KIAA1549: variants seen among roughly 807,000 people sequenced by gnomAD.
KIAA1549 encodes the protein UPF0606 protein KIAA1549.
In KIAA1549, 70 loss-of-function variants were observed where a neutral mutation model predicts 156.4. The ratio of observed to expected loss-of-function variants is 0.45; its 90% CI spans 0.37 to 0.55. The LOEUF (loss-of-function observed/expected upper bound fraction) is 0.55. Among genes scored for constraint, KIAA1549 ranks in the 20% least tolerant of loss-of-function variants. The pLI is 0.00. For synonymous variants in KIAA1549, 1,103 were observed against 1,066.4 expected (o/e 1.03, Z -0.67); for missense variants, 2,428 against 2,540.9 (o/e 0.96, Z 0.96).
chr7:138,957,090 A>G (rs1225274042), intron 1 of KIAA1549, among the ~76,000 whole-genome samples: 8 of 152,366 alleles, frequency 5.3e-5, no homozygotes, highest in Admixed American at 6.5e-5. Flanking sequence ...AGAGAAGTGC[A>G]TTCCACGCAG....
At chr7:138,877,779 C>A (rs902577410) in intron 12 of KIAA1549, among the ~76,000 whole-genome samples, 1 of 152,186 alleles carries the variant, frequency 6.6e-6, no homozygotes, top group East Asian at 1.9e-4. Context: ...TCATCTAATT[C>A]GCTTCTTTCC....
At position 138,889,838 on chromosome 7, in the gene KIAA1549, A is replaced by G. The variant is rs569431027; in HGVS notation, c.4032+4504T>C. Among the ~76,000 whole-genome samples, 31 of 152,354 alleles carry G rather than the reference A, an allele frequency of 2.0e-4. No homozygotes were observed. The South Asian group carries it at 6.4e-3, about 32-fold the overall frequency. On this transcript the variant is annotated intron_variant, in intron 10 of 19. Coordinates refer to ENST00000422774, the MANE Select transcript of KIAA1549 (RefSeq NM_001164665.2). ...CACAGAAGGAAAACCTAGAGGGAACACTGCCCCTCCTCCCTTAGATAATTA... is the reference window on the plus strand; with the variant it reads ...CACAGAAGGAAAACCTAGAGGGAACGCTGCCCCTCCTCCCTTAGATAATTA...
chr7:138,963,152 A>G (rs1446723759), intron 1 of KIAA1549, among the ~76,000 whole-genome samples: 3 of 152,260 alleles, frequency 2.0e-5, no homozygotes, highest in Non-Finnish European at 4.4e-5. Flanking sequence ...TGGGCATGGA[A>G]CTACCACACA....
intron 9 of KIAA1549, among the ~76,000 whole-genome samples, chr7:138,895,930 C>G (rs1420890084): frequency 2.6e-5 from 4 of 152,102 alleles, no homozygotes; most frequent in African/African-American, 4.8e-5. Context: ...GCATATCTTA[C>G]TCATTTTGGA....
chr7:138,856,255 G>A (rs1810389602), intron 16 of KIAA1549, among the ~76,000 whole-genome samples: 1 of 151,280 alleles, frequency 6.6e-6, no homozygotes, highest in African/African-American at 2.4e-5. Context: ...AGCCAGGATG[G>A]TCTCGATCTC....
chr7:138,950,256 G>T (rs544552091), intron 1 of KIAA1549, among the ~76,000 whole-genome samples: 1 of 151,968 alleles, frequency 6.6e-6, no homozygotes, highest in Non-Finnish European at 1.5e-5. Context: ...TATTATAATC[G>T]TAAAAAATTT....
intron 14 of KIAA1549, 107 bp downstream of exon 14, chr7:138,869,431 T>C: frequency 1.2e-6 from 1 of 852,808 alleles, no homozygotes; most frequent in Non-Finnish European, 1.8e-6. Flanking sequence ...GATGGGGTCC[T>C]TCTGTCACAG....
rs1022895542 is a variant in KIAA1549, at chr7:138,964,130, C to G, written c.187+16953G>C. Among the ~76,000 whole-genome samples the G allele has an allele frequency of 3.3e-5, 5 of 152,208 alleles. 1 individual carries two copies. The highest frequency in any genetic ancestry group is 1.2e-4 in the African/African-American group (5 of 41,446). ...CTCTTAACCTACGTTTGGTGAGCAT[C>G]TTCTATGGGCTAGGCCAGGCTGTGA... On this transcript the variant is annotated intron_variant, in intron 1 of 19. Coordinates refer to ENST00000422774, the MANE Select transcript of KIAA1549 (RefSeq NM_001164665.2).
intron 1 of KIAA1549, among the ~76,000 whole-genome samples, chr7:138,933,277 G>A (rs1296303998): frequency 6.6e-6 from 1 of 152,208 alleles, no homozygotes; most frequent in Admixed American, 6.5e-5. Context: ...GGTTAAAGAC[G>A]CAAGTTTCTA....
chr7:138,856,195 CG>C (rs1172759764), intron 16 of KIAA1549, among the ~76,000 whole-genome samples: 48 of 150,776 alleles, frequency 3.2e-4, no homozygotes, highest in East Asian at 1.6e-3. Flanking sequence ...CCACGCCCAG[CG>C]AATTTTTTTT....
At chr7:138,923,427 C>T (rs903796478) in intron 1 of KIAA1549, among the ~76,000 whole-genome samples, 1 of 152,024 alleles carries the variant, frequency 6.6e-6, no homozygotes, top group Non-Finnish European at 1.5e-5. Context: ...ACGGTGAAAC[C>T]CTGTCTCTAC....
Position 138,912,388 on chromosome 7 carries a change from C to T in KIAA1549, c.2951G>A (p.Arg984His), listed in dbSNP as rs778279675. 4.0e-5 allele frequency: 64 copies of T among 1,613,244 alleles called. No homozygotes were observed. Among genetic ancestry groups the T allele is most frequent in the Middle Eastern group, 1.6e-4 (1 of 6,082 alleles). Residue 984 changes from arginine (R) to histidine (H), a missense_variant, in exon 3 of 20, where the codon CGT becomes CAT. Physicochemically the swap from Arg to His is conservative, Grantham distance 29. This residue lies in a region of KIAA1549 where 762 missense variants were observed against 901.6 expected (regional missense o/e 0.85). Coordinates refer to ENST00000422774, the MANE Select transcript of KIAA1549 (RefSeq NM_001164665.2). ...IKEVLRIHFN[R>H]AVELKVYELF... ...AGGACTCACCTTCAGTTCCACTGCA[C>T]GGTTGAAGTGAATCCTCAGTACTTC...
At chr7:138,910,355 T>C (rs1048179860) in intron 4 of KIAA1549, among the ~76,000 whole-genome samples, 4 of 151,762 alleles carry the variant, frequency 2.6e-5, no homozygotes, top group African/African-American at 4.8e-5. Context: ...CTGGGCAACT[T>C]AGGAAGACCC....
chr7:138,975,723 A>AGGTG (rs559956545), intron 1 of KIAA1549, among the ~76,000 whole-genome samples: 320 of 152,356 alleles, frequency 2.1e-3, no homozygotes, highest in African/African-American at 7.3e-3. Flanking sequence ...TCCAGATGAA[A>AGGTG]GGTGGGTGGT....
At chr7:138,902,387 C>T (rs573407073) in intron 8 of KIAA1549, among the ~76,000 whole-genome samples, 103 of 152,306 alleles carry the variant, frequency 6.8e-4, no homozygotes, top group African/African-American at 1.9e-3. Flanking sequence ...TGCCAGCCAA[C>T]ACCCCCTGCT....
In KIAA1549 at chr7:138,833,962, G is replaced by A. The variant is rs1809625356; in HGVS notation, c.*3944C>T. The A allele has an allele frequency of 8.6e-6, 2 of 231,322 alleles. No homozygotes were observed. The highest frequency in any genetic ancestry group is 1.2e-4 in the East Asian group (2 of 16,414). The allele number at this position is 231,322 out of a possible 1,614,324, so 14.3% of individuals were successfully genotyped here. On this transcript the variant is annotated 3_prime_UTR_variant, in exon 20 of 20. Coordinates refer to ENST00000422774, the MANE Select transcript of KIAA1549 (RefSeq NM_001164665.2). Reference sequence around the variant, plus strand: ...CTGTCCCCATATCAAAGCAGATCAAGATCAAGTTCATTTCAGTGACAGCTT... The same window carrying A: ...CTGTCCCCATATCAAAGCAGATCAAAATCAAGTTCATTTCAGTGACAGCTT...
intron 10 of KIAA1549, among the ~76,000 whole-genome samples, chr7:138,885,409 A>G (rs754692504): frequency 1.8e-4 from 28 of 152,160 alleles, no homozygotes; most frequent in Non-Finnish European, 2.8e-4. Flanking sequence ...AGCATGACCC[A>G]TAAAACTTCC....
Position 138,879,564 on chromosome 7 carries a change from C to A in KIAA1549, c.4319G>T (p.Gly1440Val). The change falls in exon 12 of 20, where the codon GGC becomes GTC. Residue 1440 changes from glycine (G) to valine (V), a missense_variant. By Grantham distance (109) the Gly-to-Val change is moderately radical (BLOSUM62 -3). Transcript: ENST00000422774. ...GCTCTGCGGAGCTCTGTGGGACCTG[C>A]CATCGTTGACGGCTCCCGGCGTCTT... ...GDKTPGAVND[G>V]RSHRAPQSGP... The A allele has an allele frequency of 6.4e-7, 1 of 1,566,500 alleles. No homozygotes were observed. The highest frequency in any genetic ancestry group is 1.4e-5 in the African/African-American group (1 of 73,824).
At position 138,904,286 on chromosome 7, in the gene KIAA1549, C is replaced by A. The variant is rs113352605; in HGVS notation, c.3521-550G>T. On this transcript the variant is annotated intron_variant, in intron 7 of 19. Transcript: ENST00000422774. ...AGGAGCATGTGCTTTTCAACCAGAA[C>A]TGGTTTAAGTTTTCTTTGAGATACA... 3.6e-3 allele frequency among the ~76,000 whole-genome samples: 554 copies of A among 152,332 alleles called. 4 individuals carry two copies. The highest frequency in any genetic ancestry group is 0.012 in the African/African-American group (512 of 41,580).
Sources: gnomAD v4.1 joint callset for allele counts (sites outside exome capture counted in the v4.1 genomes callset) on GRCh38, gnomAD v4.1.1 for gene constraint, gnomAD v4.1.1 regional missense constraint, MANE v1.5 for transcripts, NCBI Gene and HGNC (gene_info 2026-07-23, HGNC 2026-07-21) for gene names.